Variants in SMAP1 observed in about 807,000 individuals in gnomAD.
SMAP1 encodes the protein small ArfGAP 1.
In SMAP1, 24 loss-of-function variants were observed where a neutral mutation model predicts 58.5. The observed-to-expected ratio is 0.41, with a 90% CI of 0.30 to 0.58. SMAP1 has a LOEUF of 0.58. SMAP1 is among the 20% of genes least tolerant of loss of function. The pLI is 0.29. For synonymous variants in SMAP1, 216 were observed against 196.6 expected (o/e 1.10, Z -0.82); for missense variants, 563 against 566.3 (o/e 0.99, Z 0.06).
intron 1 of SMAP1, among the ~76,000 whole-genome samples, chr6:70,718,710 A>G (rs1302755748): frequency 6.6e-6 from 1 of 151,412 alleles, no homozygotes; most frequent in African/African-American, 2.4e-5. Flanking sequence ...AATCCCAGCT[A>G]CTTGGGAGGC....
At chr6:70,714,825 G>A (rs1768198282) in intron 1 of SMAP1, among the ~76,000 whole-genome samples, 1 of 152,066 alleles carries the variant, frequency 6.6e-6, no homozygotes, top group South Asian at 2.1e-4. Flanking sequence ...TTATTGGTTT[G>A]AGAACACCTT....
intron 1 of SMAP1, among the ~76,000 whole-genome samples, chr6:70,711,131 T>C (rs1012478042): frequency 6.6e-6 from 1 of 152,176 alleles, no homozygotes; most frequent in African/African-American, 2.4e-5. Flanking sequence ...AAAATAACAG[T>C]AAAAAGTATA....
In SMAP1 at chr6:70,668,166, A is replaced by G. The variant is rs1192767135; in HGVS notation, c.118+25A>G. ...GGTAGCTTGGACGTCGTCGCTGCCCACGGTCGGGGCCTCTTGCGACCGGTG... is the reference window on the plus strand; with the variant it reads ...GGTAGCTTGGACGTCGTCGCTGCCCGCGGTCGGGGCCTCTTGCGACCGGTG... On this transcript the variant is annotated intron_variant, in intron 1 of 10. Coordinates refer to ENST00000370455, the MANE Select transcript of SMAP1 (RefSeq NM_001044305.3). 4 of 1,577,690 alleles carry G rather than the reference A, an allele frequency of 2.5e-6. No homozygotes were observed. The East Asian group carries it at 9.6e-5, about 38-fold the overall frequency.
intron 6 of SMAP1, among the ~76,000 whole-genome samples, chr6:70,802,873 A>G (rs373536813): frequency 0.44 from 66,797 of 151,768 alleles, 14,967 homozygotes; most frequent in South Asian, 0.5. Context: ...ATCGTGGTGG[A>G]TAAGCTTTTC....
At chr6:70,830,428 T>G (rs1274454155) in intron 6 of SMAP1, among the ~76,000 whole-genome samples, 1 of 152,220 alleles carries the variant, frequency 6.6e-6, no homozygotes. Flanking sequence ...CTTCTAAAAT[T>G]TGGCTTCCAG....
At chr6:70,830,689 T>C (rs1250346373) in intron 6 of SMAP1, among the ~76,000 whole-genome samples, 1 of 152,234 alleles carries the variant, frequency 6.6e-6, no homozygotes, top group African/African-American at 2.4e-5. Context: ...CTTTTCCATT[T>C]TAGAAAGTTT....
intron 3 of SMAP1, among the ~76,000 whole-genome samples, chr6:70,755,899 G>A (rs1306787194): frequency 2.6e-5 from 4 of 151,872 alleles, no homozygotes; most frequent in Non-Finnish European, 4.4e-5. Flanking sequence ...TTTACATAGC[G>A]TAAATTCTGA....
At chr6:70,783,383 A>C (rs1416874926) in intron 4 of SMAP1, among the ~76,000 whole-genome samples, 2 of 152,198 alleles carry the variant, frequency 1.3e-5, no homozygotes, top group African/African-American at 4.8e-5. Context: ...GAAACTCTAA[A>C]AAGCAGAGCA....
chr6:70,732,347 C>CT (rs763320569), intron 1 of SMAP1, 31 bp from the exon 2 acceptor site: 79 of 1,582,658 alleles, frequency 5.0e-5, no homozygotes, highest in Middle Eastern at 3.4e-4. Context: ...TTAACATTTG[C>CT]TTTTTTTTGT....
intron 3 of SMAP1, among the ~76,000 whole-genome samples, chr6:70,771,369 G>T (rs1357220844): frequency 1.8e-5 from 2 of 108,204 alleles, no homozygotes; most frequent in South Asian, 3.0e-4. Context: ...GCCTACAGAG[G>T]CCGGCAGGCC....
intron 1 of SMAP1, among the ~76,000 whole-genome samples, chr6:70,722,782 A>G (rs1003210478): frequency 5.9e-5 from 9 of 152,240 alleles, no homozygotes; most frequent in Admixed American, 4.6e-4. Context: ...CGCTCATGCT[A>G]TTTTTTGTGG....
At chr6:70,810,430 A>G (rs1445758970) in intron 6 of SMAP1, among the ~76,000 whole-genome samples, 1 of 152,226 alleles carries the variant, frequency 6.6e-6, no homozygotes, top group Non-Finnish European at 1.5e-5. Context: ...TACCACTTAG[A>G]AAAAATGATC....
intron 1 of SMAP1, among the ~76,000 whole-genome samples, chr6:70,674,059 C>T (rs1265505482): frequency 6.6e-6 from 1 of 152,090 alleles, no homozygotes; most frequent in South Asian, 2.1e-4. Context: ...CTCTTTAAGG[C>T]AAAGTAGAAT....
At chr6:70,801,594 C>G (rs1223175621) in intron 6 of SMAP1, among the ~76,000 whole-genome samples, 1 of 152,128 alleles carries the variant, frequency 6.6e-6, no homozygotes, top group Non-Finnish European at 1.5e-5. Context: ...TTGCCCATGC[C>G]TGTGTCCTGA....
At chr6:70,779,929 T>C (rs1767693188) in intron 4 of SMAP1, among the ~76,000 whole-genome samples, 1 of 152,156 alleles carries the variant, frequency 6.6e-6, no homozygotes, top group Non-Finnish European at 1.5e-5. Flanking sequence ...GCTTGCAGAC[T>C]CATATCAAAA....
chr6:70,774,624 A>G (rs1217286169), intron 4 of SMAP1, among the ~76,000 whole-genome samples: 1 of 152,224 alleles, frequency 6.6e-6, no homozygotes, highest in African/African-American at 2.4e-5. Context: ...CATGCCTGTA[A>G]TCCCAGCACT....
intron 1 of SMAP1, among the ~76,000 whole-genome samples, chr6:70,726,518 G>A (rs1229901030): frequency 1.3e-5 from 2 of 152,194 alleles, no homozygotes; most frequent in Non-Finnish European, 2.9e-5. Flanking sequence ...ATTACCATTA[G>A]TTAGCATTAA....
rs142874798 is a variant in SMAP1 at position 70,691,428 on chromosome 6, G to A, written c.118+23287G>A. ...GTAAATGAGGTTTCCATCACCTCAA[G>A]CATTTATCATTTCTTTATGTTACAA... On this transcript the variant is annotated intron_variant, in intron 1 of 10. Coordinates refer to ENST00000370455, the MANE Select transcript of SMAP1 (RefSeq NM_001044305.3). 4.3e-4 allele frequency among the ~76,000 whole-genome samples: 66 copies of A among 152,174 alleles called. No individual in the cohort carries two copies. The East Asian group carries it at 0.011, about 25-fold the overall frequency.
chr6:70,783,595 A>T (rs1464237245), intron 4 of SMAP1, among the ~76,000 whole-genome samples: 2 of 152,250 alleles, frequency 1.3e-5, no homozygotes, highest in Non-Finnish European at 2.9e-5. Context: ...ACCAATGCAG[A>T]GAAGTGCTTA....
Sources: allele counts gnomAD v4.1 joint callset (sites outside exome capture counted in the v4.1 genomes callset), GRCh38; gene constraint gnomAD v4.1.1; transcripts MANE v1.5; gene names NCBI Gene and HGNC (gene_info 2026-07-23, HGNC 2026-07-21).